Variants in NR3C2 observed in about 807,000 individuals in gnomAD.
NR3C2 encodes nuclear receptor subfamily 3 group C member 2.
In NR3C2, 15 loss-of-function variants were observed where a neutral mutation model predicts 86.4. That is an observed-to-expected ratio of 0.17 (90% CI 0.12 to 0.27). The LOEUF (loss-of-function observed/expected upper bound fraction) is 0.27. Among genes scored for constraint, NR3C2 ranks in the 10% least tolerant of loss-of-function variants. The probability of loss-of-function intolerance (pLI) is 1.00; values close to 1 mark genes in which losing one functional copy is unlikely to be tolerated. For missense variants in NR3C2, 960 were observed against 1,195.6 expected, an observed-to-expected ratio of 0.80 and a Z score of 2.91; for synonymous variants, 458 against 450.5, an observed-to-expected ratio of 1.02 and a Z score of -0.21.
At chr4:148,290,058 A>C (rs1175453851) in intron 2 of NR3C2, among the ~76,000 whole-genome samples, 3 of 152,270 alleles carry the variant, frequency 2.0e-5, no homozygotes, top group East Asian at 3.9e-4. Context: ...TGGGTGGTTA[A>C]ATCAACAATT....
At chr4:148,235,018 T>C (rs1232579148) in intron 3 of NR3C2, among the ~76,000 whole-genome samples, 1 of 152,116 alleles carries the variant, frequency 6.6e-6, no homozygotes, top group African/African-American at 2.4e-5. Flanking sequence ...ATGAAAATAT[T>C]CAAAAGAGCT....
At chr4:148,370,257 T>C (rs758599806) in intron 2 of NR3C2, among the ~76,000 whole-genome samples, 2 of 152,150 alleles carry the variant, frequency 1.3e-5, no homozygotes, top group Non-Finnish European at 2.9e-5. Flanking sequence ...CCATGGAAGA[T>C]GCAAAAATGA....
intron 2 of NR3C2, among the ~76,000 whole-genome samples, chr4:148,275,043 T>A (rs1169626915): frequency 1.3e-5 from 2 of 152,158 alleles, no homozygotes; most frequent in Non-Finnish European, 2.9e-5. Context: ...AATACAGAGA[T>A]AAAGGGCATA....
Position 148,250,702 on chromosome 4 carries a change from CTGTTTATCCA to C in NR3C2, c.1897+9266_1897+9275del, listed in dbSNP as rs1415223969. Among the ~76,000 whole-genome samples the C allele has an allele frequency of 2.6e-5, 4 of 152,326 alleles. No homozygotes were observed. In the East Asian group the frequency reaches 7.7e-4, roughly 29 times the overall value. On this transcript the variant is annotated intron_variant, in intron 3 of 8. Coordinates refer to ENST00000358102, the MANE Select transcript of NR3C2 (RefSeq NM_000901.5). ...GTTTTGTCTTTCTGCTCTTGTATTC[CTGTTTATCCA>C]GACTGCTTCATCCATTTTGGCAAAC...
chr4:148,323,583 G>T (rs1481262454), intron 2 of NR3C2, among the ~76,000 whole-genome samples: 2 of 151,870 alleles, frequency 1.3e-5, no homozygotes, highest in Admixed American at 1.3e-4. Context: ...ATCTCGTGGT[G>T]CGCCGTTTTT....
intron 2 of NR3C2, among the ~76,000 whole-genome samples, chr4:148,417,499 T>C (rs1749070626): frequency 6.6e-6 from 1 of 152,216 alleles, no homozygotes. Flanking sequence ...CTTGATACTA[T>C]AGATGGTTTT....
intron 2 of NR3C2, among the ~76,000 whole-genome samples, chr4:148,343,450 G>A (rs1744848638): frequency 6.9e-6 from 1 of 144,156 alleles, no homozygotes. Flanking sequence ...CAAGGGCAGA[G>A]AGGTTAGAAT....
intron 2 of NR3C2, among the ~76,000 whole-genome samples, chr4:148,393,107 T>G (rs1378307322): frequency 2.0e-5 from 3 of 152,222 alleles, no homozygotes; most frequent in Admixed American, 6.5e-5. Flanking sequence ...GAGACAAAAT[T>G]AGATTTCCCA....
intron 2 of NR3C2, among the ~76,000 whole-genome samples, chr4:148,280,047 C>T (rs1200463356): frequency 6.6e-6 from 1 of 152,050 alleles, no homozygotes; most frequent in Non-Finnish European, 1.5e-5. Flanking sequence ...TTTCAGTTGG[C>T]TTAAAACTGA....
At chr4:148,307,816 G>A (rs568935169) in intron 2 of NR3C2, among the ~76,000 whole-genome samples, 12 of 151,422 alleles carry the variant, frequency 7.9e-5, no homozygotes, top group Admixed American at 2.0e-4. Flanking sequence ...ATGGCAAAAA[G>A]AGCCAGTATA....
intron 2 of NR3C2, among the ~76,000 whole-genome samples, chr4:148,317,081 C>A (rs1376107116): frequency 1.3e-5 from 2 of 152,218 alleles, no homozygotes; most frequent in African/African-American, 4.8e-5. Flanking sequence ...GCTTGAGCCA[C>A]TGTGCCCAGG....
At chr4:148,386,682 C>T (rs762132502) in intron 2 of NR3C2, among the ~76,000 whole-genome samples, 2 of 152,322 alleles carry the variant, frequency 1.3e-5, no homozygotes, top group East Asian at 1.9e-4. Flanking sequence ...CCGCGGTCGC[C>T]TAACTCAGGG....
chr4:148,172,569 A>C (rs1191192134), intron 4 of NR3C2, among the ~76,000 whole-genome samples: 1 of 152,208 alleles, frequency 6.6e-6, no homozygotes, highest in East Asian at 1.9e-4. Flanking sequence ...TAGTTTTATA[A>C]TGAAATCTTT....
chr4:148,137,309 ATC>A (rs1208514827), intron 6 of NR3C2, among the ~76,000 whole-genome samples: 3 of 152,188 alleles, frequency 2.0e-5, no homozygotes, highest in Non-Finnish European at 4.4e-5. Flanking sequence ...CCTGAGGCCC[ATC>A]TCTCAGTGTG....
intron 8 of NR3C2, among the ~76,000 whole-genome samples, chr4:148,092,976 G>T (rs762915368): frequency 6.6e-6 from 1 of 152,208 alleles, no homozygotes; most frequent in South Asian, 2.1e-4. Context: ...GTAGATCCCA[G>T]GCTAGATGGA....
chr4:148,241,951 C>A (rs1159371394), intron 3 of NR3C2, among the ~76,000 whole-genome samples: 1 of 151,930 alleles, frequency 6.6e-6, no homozygotes, highest in African/African-American at 2.4e-5. Context: ...CAAAAAAGGA[C>A]AAATGTTGTA....
chr4:148,248,068 A>C (rs984194187), intron 3 of NR3C2, among the ~76,000 whole-genome samples: 4 of 152,204 alleles, frequency 2.6e-5, no homozygotes, highest in African/African-American at 7.2e-5. Flanking sequence ...TCTGATGTGT[A>C]ATTTAAAAAA....
intron 3 of NR3C2, among the ~76,000 whole-genome samples, chr4:148,216,805 A>G (rs1560983043): frequency 6.6e-6 from 1 of 152,166 alleles, no homozygotes; most frequent in Non-Finnish European, 1.5e-5. Flanking sequence ...TTTATCTTGA[A>G]TGTCAAATCA....
At chr4:148,166,049 T>A (rs1044137499) in intron 4 of NR3C2, among the ~76,000 whole-genome samples, 1 of 152,230 alleles carries the variant, frequency 6.6e-6, no homozygotes, top group African/African-American at 2.4e-5. Flanking sequence ...CCACATTTTA[T>A]TCCACTGACA....
Sources: gnomAD v4.1 joint callset for allele counts (sites outside exome capture counted in the v4.1 genomes callset) on GRCh38, gnomAD v4.1.1 for gene constraint, MANE v1.5 for transcripts, NCBI Gene and HGNC (gene_info 2026-07-23, HGNC 2026-07-21) for gene names.